Variants in SLFN5 observed in about 807,000 individuals in gnomAD.
The protein encoded by SLFN5 is schlafen family member 5.
Under a neutral mutation model 48.5 loss-of-function variants are expected in SLFN5, and 34 were observed. The ratio of observed to expected loss-of-function variants is 0.70; its 90% CI spans 0.53 to 0.93. SLFN5 has a LOEUF of 0.93. SLFN5 is among the 40% of genes least tolerant of loss of function. The pLI is 0.00. For synonymous variants in SLFN5, 387 were observed against 396.2 expected (o/e 0.98, Z 0.28); for missense variants, 1,006 against 1,071.3 (o/e 0.94, Z 0.85).
Position 35,267,424 on chromosome 17 carries a change from G to T in SLFN5, c.*1536G>T, listed in dbSNP as rs1904728987. 6.6e-6 allele frequency: 1 copy of T among 152,210 alleles called. No homozygotes were observed. The highest frequency in any genetic ancestry group is 2.4e-5 in the African/African-American group (1 of 41,430). 9.4% of individuals were successfully genotyped at this position (152,210 alleles called of 1,614,324 possible). Reference sequence around the variant, plus strand: ...AAACTAGAAAAGGTTGGGCATGGTGGCTCATGCTTGTGATCCCAGGACTTT... The same window carrying T: ...AAACTAGAAAAGGTTGGGCATGGTGTCTCATGCTTGTGATCCCAGGACTTT... On this transcript the variant is annotated 3_prime_UTR_variant, in exon 5 of 5. Coordinates refer to ENST00000299977, the MANE Select transcript of SLFN5 (RefSeq NM_144975.4).
intron 3 of SLFN5, among the ~76,000 whole-genome samples, chr17:35,262,896 T>C (rs1240051577): frequency 1.3e-5 from 2 of 152,130 alleles, no homozygotes; most frequent in East Asian, 3.9e-4. Flanking sequence ...TGTCCCTTTT[T>C]AGTCAAACTC....
At chr17:35,263,085 C>T (rs1291637602) in intron 3 of SLFN5, among the ~76,000 whole-genome samples, 2 of 152,098 alleles carry the variant, frequency 1.3e-5, no homozygotes, top group Non-Finnish European at 2.9e-5. Flanking sequence ...CTTTGGATGT[C>T]AGCAACACAA....
At chr17:35,260,879 G>C in intron 2 of SLFN5, 92 bp from the exon 3 acceptor site, 1 of 1,490,194 alleles carries the variant, frequency 6.7e-7, no homozygotes, top group Non-Finnish European at 9.0e-7. Flanking sequence ...GGCTTGAGTT[G>C]TAAGACTAGG....
chr17:35,259,675 A>T lies in SLFN5; in HGVS notation c.985A>T (p.Thr329Ser), dbSNP rs753593275. The change falls in exon 2 of 5, where the codon ACT becomes TCT. Residue 329 changes from threonine to serine, a missense_variant. Transcript: ENST00000299977. ...GAGACAATTGCCCACAAGAGAATGG[A>T]CTGCTTGGATGATGGAAGCTGACCC... Reference protein sequence around the residue: ...RVRQLPTREWTAWMMEADPDL... With the variant: ...RVRQLPTREWSAWMMEADPDL... The T allele has an allele frequency of 3.7e-6, 6 of 1,600,294 alleles. No homozygotes were observed. In the East Asian group the frequency reaches 1.3e-4, roughly 36 times the overall value.
intron 2 of SLFN5, among the ~76,000 whole-genome samples, 186 bp from the exon 3 acceptor site, chr17:35,260,785 A>T (rs1408984531): frequency 1.3e-5 from 2 of 152,228 alleles, no homozygotes; most frequent in African/African-American, 2.4e-5. Flanking sequence ...GTGTTGCTTT[A>T]TGCTAGGTTA....
intron 3 of SLFN5, among the ~76,000 whole-genome samples, chr17:35,263,740 T>C (rs1904587477): frequency 6.7e-6 from 1 of 148,756 alleles, no homozygotes; most frequent in Non-Finnish European, 1.5e-5. Flanking sequence ...GGAGAATCAC[T>C]TGAACCCAGG....
chr17:35,261,597 G>A (rs1210972325), intron 3 of SLFN5, among the ~76,000 whole-genome samples: 7 of 151,982 alleles, frequency 4.6e-5, no homozygotes, highest in Non-Finnish European at 4.4e-5. Context: ...TCAAGCTCCT[G>A]GACTCAAGCG....
At chr17:35,250,783 C>T (rs1396117324) in intron 1 of SLFN5, among the ~76,000 whole-genome samples, 1 of 152,118 alleles carries the variant, frequency 6.6e-6, no homozygotes, top group Non-Finnish European at 1.5e-5. Context: ...AAAAGGATTC[C>T]ATTTTCTTGC....
At position 35,254,704 on chromosome 17, in the gene SLFN5, G is replaced by T. The variant is rs560138903; in HGVS notation, c.-40-3947G>T. Among the ~76,000 whole-genome samples, 9 of 151,636 alleles carry T rather than the reference G, an allele frequency of 5.9e-5. No homozygotes were observed. The South Asian group carries it at 1.9e-3, about 32-fold the overall frequency. On this transcript the variant is annotated intron_variant, in intron 1 of 4. Coordinates refer to ENST00000299977, the MANE Select transcript of SLFN5 (RefSeq NM_144975.4). ...TCAGTGCACTTGGCATTCCTTCTGC[G>T]TACATGTTGAGGTTTAAATTTCTGG... is the stretch of plus-strand genomic sequence containing the variant.
chr17:35,258,794 T>C lies in SLFN5; in HGVS notation c.104T>C (p.Leu35Pro). 1 of 1,614,164 alleles carries C rather than the reference T, an allele frequency of 6.2e-7. No individual in the cohort carries two copies. The highest frequency in any genetic ancestry group is 8.5e-7 in the Non-Finnish European group (1 of 1,180,020). ...CAGAGGCAGGAGATGGACCCTCGCC[T>C]GCGGGAGAAACAGAATGAAATCATC... ...TQQRQEMDPR[L>P]REKQNEIILR... Residue 35 changes from leucine (L) to proline (P), a missense_variant, in exon 2 of 5, where the codon CTG (leucine) becomes CCG (proline). Coordinates refer to ENST00000299977, the MANE Select transcript of SLFN5 (RefSeq NM_144975.4).
At chr17:35,247,504 T>C (rs1365216529) in intron 1 of SLFN5, among the ~76,000 whole-genome samples, 1 of 152,200 alleles carries the variant, frequency 6.6e-6, no homozygotes, top group East Asian at 1.9e-4. Context: ...CAGAGGCACC[T>C]TGCACCTTGC....
Position 35,259,003 on chromosome 17 carries a change from G to C in SLFN5, c.313G>C (p.Glu105Gln), listed in dbSNP as rs1296381613. Reference protein sequence around the residue: ...FLIFVKSWNTEAGVPLATLCS... With the variant: ...FLIFVKSWNTQAGVPLATLCS... ...GATTTTTGTGAAATCATGGAACACA[G>C]AGGCTGGTGTGCCACTTGCTACCTT... The change falls in exon 2 of 5, where the codon GAG becomes CAG. Residue 105 changes from glutamate (E) to glutamine (Q), a missense_variant. Transcript: ENST00000299977. 1 of 1,614,038 alleles carries C rather than the reference G, an allele frequency of 6.2e-7. No individual in the cohort carries two copies. Among genetic ancestry groups the C allele is most frequent in the Non-Finnish European group, 8.5e-7 (1 of 1,180,032 alleles).
chr17:35,262,393 A>G (rs1390966252), intron 3 of SLFN5, among the ~76,000 whole-genome samples: 2 of 151,832 alleles, frequency 1.3e-5, no homozygotes, highest in Non-Finnish European at 2.9e-5. Flanking sequence ...AAAAAAAAAA[A>G]AAGAAAAGGA....
rs922192777 is a variant in SLFN5, at chr17:35,266,636, G to A, written c.*748G>A. 10 of 152,220 alleles carry A rather than the reference G, an allele frequency of 6.6e-5. No individual in the cohort carries two copies. Among genetic ancestry groups the A allele is most frequent in the Middle Eastern group, 3.4e-3 (1 of 294 alleles). 9.4% of individuals were successfully genotyped at this position (152,220 alleles called of 1,614,324 possible). A position where few individuals can be genotyped will look rare whatever the true frequency, so the allele number is the denominator to read the frequency against. On this transcript the variant is annotated 3_prime_UTR_variant, in exon 5 of 5. Coordinates refer to ENST00000299977, the MANE Select transcript of SLFN5 (RefSeq NM_144975.4). ...TAGGTTACTACATGAAGGTAAGACT[G>A]CCACAGTCCCCCAGGGAGGCACACT...
At chr17:35,253,605 C>T (rs537301532) in intron 1 of SLFN5, among the ~76,000 whole-genome samples, 1 of 151,952 alleles carries the variant, frequency 6.6e-6, no homozygotes, top group South Asian at 2.1e-4. Context: ...AAGCTCCTGG[C>T]CTCAAGCAAT....
rs148974561 is a variant in SLFN5 at position 35,265,723 on chromosome 17, C to A, written c.2511C>A (p.Thr837=). The A allele has an allele frequency of 5.6e-6, 9 of 1,614,158 alleles. No homozygotes were observed. Among genetic ancestry groups the A allele is most frequent in the Non-Finnish European group, 6.8e-6 (8 of 1,180,030 alleles). The change falls in exon 5 of 5, where the codon ACC becomes ACA. Residue 837 remains threonine, a synonymous_variant. Transcript: ENST00000299977. ...LQIGDASDVL[T]DHIVLDSVCR... is the part of the protein sequence containing the mutation. ...TCGGTGATGCGTCGGATGTTCTAACCGATCACATTGTGTTGGACAGTGTCT... is the reference window on the plus strand; with the variant it reads ...TCGGTGATGCGTCGGATGTTCTAACAGATCACATTGTGTTGGACAGTGTCT...
rs58644233 is a variant in SLFN5, at chr17:35,266,142, A to ATG, written c.*289_*290dup. 3.8e-3 allele frequency: 912 copies of ATG among 240,376 alleles called. 4 individuals are homozygous for ATG. Among genetic ancestry groups the ATG allele is most frequent in the East Asian group, 4.6e-3 (52 of 11,252 alleles). The allele number at this position is 240,376 out of a possible 1,614,324, so 14.9% of individuals were successfully genotyped here. A position where few individuals can be genotyped will look rare whatever the true frequency, so the allele number is the denominator to read the frequency against. ...AATTAGAGGACCGTGAGACTCAGAGATGTGTGTGTGTGTGTGTGTGTGTGT... is the reference window on the plus strand; with the variant it reads ...AATTAGAGGACCGTGAGACTCAGAGATGTGTGTGTGTGTGTGTGTGTGTGTGT... On this transcript the variant is annotated 3_prime_UTR_variant, in exon 5 of 5. Transcript: ENST00000299977.
intron 1 of SLFN5, among the ~76,000 whole-genome samples, chr17:35,249,031 T>C (rs749382513): frequency 8.5e-5 from 13 of 152,162 alleles, no homozygotes; most frequent in Non-Finnish European, 8.8e-5. Flanking sequence ...TAAAAATCCA[T>C]TGGACCATGC....
At chr17:35,253,135 G>A (rs1409075682) in intron 1 of SLFN5, among the ~76,000 whole-genome samples, 1 of 151,866 alleles carries the variant, frequency 6.6e-6, no homozygotes, top group Admixed American at 6.6e-5. Flanking sequence ...CTTCTCACTG[G>A]GTCCTCGCAT....
Sources: gnomAD v4.1 joint callset for allele counts (sites outside exome capture counted in the v4.1 genomes callset) on GRCh38, gnomAD v4.1.1 for gene constraint, MANE v1.5 for transcripts, NCBI Gene and HGNC (gene_info 2026-07-23, HGNC 2026-07-21) for gene names.